The following NPIPA6 variants were observed in gnomAD, a reference collection of about 807,000 sequenced individuals.
NPIPA6 encodes nuclear pore complex-interacting protein family member A6.
chr16:16,333,342 CAGTG>C, the NPIPA6 span, among the ~76,000 whole-genome samples: 1 of 99,008 alleles, frequency 1.0e-5, no homozygotes, highest in Non-Finnish European at 2.0e-5. Context: ...GTGGAGGTTG[CAGTG>C]AGCTGAGATT....
the NPIPA6 span, chr16:16,336,551 TC>T: frequency 2.6e-4 from 25 of 97,608 alleles, no homozygotes; most frequent in South Asian, 1.1e-3. Flanking sequence ...TTCCCTTACT[TC>T]CCCCCTTCCC....
At chr16:16,343,199 TCTC>T in the NPIPA6 span, among the ~76,000 whole-genome samples, 1 of 146,620 alleles carries the variant, frequency 6.8e-6, no homozygotes, top group Admixed American at 6.9e-5. Context: ...TTCAAGCAGT[TCTC>T]CTGCCTCAGC....
the NPIPA6 span, among the ~76,000 whole-genome samples, chr16:16,333,400 T>TA: frequency 1.9e-3 from 138 of 72,426 alleles, no homozygotes; most frequent in East Asian, 4.6e-3. Context: ...AGACTCCATC[T>TA]AAAAAAAAAA....
At chr16:16,343,886 A>AT in the NPIPA6 span, among the ~76,000 whole-genome samples, 14 of 24,056 alleles carry the variant, frequency 5.8e-4, no homozygotes, top group African/African-American at 2.8e-3. Flanking sequence ...TGCCCGGCTA[A>AT]TTTTTGTATT....
chr16:16,343,877 GC>G, the NPIPA6 span, among the ~76,000 whole-genome samples: 1 of 27,980 alleles, frequency 3.6e-5, no homozygotes, highest in African/African-American at 1.9e-4. Flanking sequence ...CCACTGCCAT[GC>G]CCGGCTAATT....
At chr16:16,338,376 C>A in the NPIPA6 span, among the ~76,000 whole-genome samples, 3 of 123,284 alleles carry the variant, frequency 2.4e-5, no homozygotes, top group African/African-American at 1.0e-4. Flanking sequence ...TGATCTCCAC[C>A]TTGGTAATTT....
the NPIPA6 span, chr16:16,336,619 C>A: frequency 0.011 from 2,082 of 188,698 alleles, 30 homozygotes; most frequent in Middle Eastern, 0.027. Flanking sequence ...GCCCGGTCCC[C>A]GTCCCCTTCC....
the NPIPA6 span, chr16:16,336,571 C>G: frequency 4.7e-6 from 1 of 210,570 alleles, no homozygotes; most frequent in Admixed American, 7.0e-5. Flanking sequence ...CCCTCCCCTT[C>G]CCCTCCCCCT....
At chr16:16,338,185 AC>A in the NPIPA6 span, among the ~76,000 whole-genome samples, 9 of 76,504 alleles carry the variant, frequency 1.2e-4, no homozygotes, top group Non-Finnish European at 2.1e-4. Context: ...CTTGAAAGAA[AC>A]ATTTAAAATT....
chr16:16,338,379 G>T, the NPIPA6 span, among the ~76,000 whole-genome samples: 2 of 121,982 alleles, frequency 1.6e-5, no homozygotes, highest in African/African-American at 3.6e-5. Flanking sequence ...TCTCCACCTT[G>T]GTAATTTTTT....
the NPIPA6 span, among the ~76,000 whole-genome samples, chr16:16,343,639 G>T: frequency 9.5e-6 from 1 of 105,452 alleles, no homozygotes; most frequent in Non-Finnish European, 2.0e-5. Flanking sequence ...CAGGTTATCC[G>T]CCTGCCTCGG....
At chr16:16,344,154 T>G in the NPIPA6 span, 1 of 35,072 alleles carries the variant, frequency 2.9e-5, no homozygotes, top group South Asian at 1.8e-4. Context: ...GGTATGGCTC[T>G]GTTGGAGTCC....
chr16:16,338,177 T>C, the NPIPA6 span, among the ~76,000 whole-genome samples: 13 of 77,292 alleles, frequency 1.7e-4, no homozygotes, highest in African/African-American at 7.1e-4. Context: ...TTCACCATCT[T>C]GAAAGAAACA....
At chr16:16,337,338 C>T in the NPIPA6 span, 2 of 86,102 alleles carry the variant, frequency 2.3e-5, no homozygotes, top group African/African-American at 1.6e-4. Flanking sequence ...AATTGTCCTG[C>T]CTCAGCCTCC....
the NPIPA6 span, among the ~76,000 whole-genome samples, chr16:16,336,497 TCTC>T: frequency 3.3e-5 from 1 of 30,562 alleles, no homozygotes; most frequent in African/African-American, 1.3e-4. Context: ...CCTTTCTTCT[TCTC>T]CTCCTCCTCC....
chr16:16,332,090 A>G, the NPIPA6 span: 29 of 223,014 alleles, frequency 1.3e-4, 3 homozygotes, highest in African/African-American at 4.4e-3. Flanking sequence ...GGCGTCCACC[A>G]AAGGCTGCTC....
At chr16:16,337,770 G>A in the NPIPA6 span, among the ~76,000 whole-genome samples, 2 of 131,238 alleles carry the variant, frequency 1.5e-5, no homozygotes, top group Non-Finnish European at 3.3e-5. Flanking sequence ...AGCTAATTTT[G>A]TATTTTTAGT....
the NPIPA6 span, among the ~76,000 whole-genome samples, chr16:16,343,683 AC>A: frequency 8.2e-6 from 1 of 121,414 alleles, no homozygotes; most frequent in African/African-American, 3.4e-5. Context: ...GGAGTGAGCC[AC>A]CATGCCAGCC....
At chr16:16,337,255 C>G in the NPIPA6 span, 3 of 163,030 alleles carry the variant, frequency 1.8e-5, 1 homozygote, top group Non-Finnish European at 3.4e-5. Flanking sequence ...GACAGAGTCT[C>G]ATTCTGTCGC....
Sources: gnomAD v4.1 joint callset for allele counts (sites outside exome capture counted in the v4.1 genomes callset) on GRCh38, gnomAD v4.1.1 for gene constraint, MANE v1.5 for transcripts, NCBI Gene and HGNC (gene_info 2026-07-23, HGNC 2026-07-21) for gene names.